Variants in LDHA observed in about 807,000 individuals in gnomAD.
LDHA encodes lactate dehydrogenase A, also known as L-lactate dehydrogenase A chain.
Under a neutral mutation model 36.3 loss-of-function variants are expected in LDHA, and 10 were observed. The ratio of observed to expected loss-of-function variants is 0.28; its 90% CI spans 0.17 to 0.47. LDHA has a LOEUF of 0.47. Ranked by LOEUF, LDHA falls within the 20% of genes least tolerant of loss-of-function variation. The pLI is 0.99. For synonymous variants in LDHA, 110 were observed against 136.7 expected, an observed-to-expected ratio of 0.80 and a Z score of 1.36; for missense variants, 267 against 405.8, an observed-to-expected ratio of 0.66 and a Z score of 2.94.
rs182335994 is a variant in LDHA, at chr11:18,397,648, A to G, written c.126+680A>G. ...AACACGATGAAACCCCATCTTTACT[A>G]GAAATACAAAAAATTAGCCGGGCGT... is the stretch of plus-strand genomic sequence containing the variant. On this transcript the variant is annotated intron_variant, in intron 2 of 7. Transcript: ENST00000422447. Among the ~76,000 whole-genome samples, 433 of 152,236 alleles carry G rather than the reference A, an allele frequency of 2.8e-3. 3 individuals carry two copies. Among genetic ancestry groups the G allele is most frequent in the African/African-American group, 8.8e-3 (366 of 41,534 alleles).
In LDHA at chr11:18,401,822, G is replaced by T. The variant is rs984997806; in HGVS notation, c.418+812G>T. 2.0e-5 allele frequency among the ~76,000 whole-genome samples: 3 copies of T among 151,816 alleles called. No individual in the cohort carries two copies. In the East Asian group the frequency reaches 5.8e-4, roughly 29 times the overall value. ...TCATTTCCCTTCTAAGGAGATTTGT[G>T]TGTGTGTGTTTTTTGTTTTTTAATA... On this transcript the variant is annotated intron_variant, in intron 4 of 7. Transcript: ENST00000422447.
Position 18,408,253 on chromosome 11 carries a change from G to A in LDHA, c.*972G>A, listed in dbSNP as rs1866777175. On this transcript the variant is annotated 3_prime_UTR_variant, in exon 8 of 8. Coordinates refer to ENST00000422447, the MANE Select transcript of LDHA (RefSeq NM_005566.4). The stretch of plus-strand genomic sequence containing the variant: ...TCATGCCTATAATCCCAGCACTTTG[G>A]GAAGCCCAGGTGGGCTGATCACTGG... 1 of 453,568 alleles carries A rather than the reference G, an allele frequency of 2.2e-6. No homozygotes were observed. The highest frequency in any genetic ancestry group is 2.0e-5 in the African/African-American group (1 of 49,952). The allele number at this position is 453,568 out of a possible 1,614,324, so 28.1% of individuals were successfully genotyped here.
At chr11:18,404,140 C>A (rs1210054642) in intron 6 of LDHA, among the ~76,000 whole-genome samples, 16 of 149,288 alleles carry the variant, frequency 1.1e-4, no homozygotes, top group South Asian at 2.1e-4. Context: ...CCATGTTAGC[C>A]AAAAAAAAAA....
At chr11:18,405,888 T>A (rs1007855684) in intron 7 of LDHA, 2 of 315,274 alleles carry the variant, frequency 6.3e-6, no homozygotes, top group Non-Finnish European at 1.2e-5. Flanking sequence ...AAGTTAGCAT[T>A]ATGTTACTAT....
chr11:18,401,955 C>CTCTCTCTTTTT (rs59534512), intron 4 of LDHA, among the ~76,000 whole-genome samples: 5,477 of 52,710 alleles, frequency 0.1, 704 homozygotes, highest in Middle Eastern at 0.17. Context: ...TTGTTATTCT[C>CTCTCTCTTTTT]TTTTTTTTTT....
At chr11:18,395,636 C>CT (rs1218809537) in intron 1 of LDHA, among the ~76,000 whole-genome samples, 7 of 152,178 alleles carry the variant, frequency 4.6e-5, no homozygotes, top group African/African-American at 1.7e-4. Context: ...GACTGCCTGC[C>CT]TAGAGGTCCT....
intron 4 of LDHA, among the ~76,000 whole-genome samples, chr11:18,401,955 C>CTCTTTTTTTTTTTTTTTTTTT (rs59534512): frequency 2.1e-4 from 11 of 52,256 alleles, no homozygotes; most frequent in Non-Finnish European, 3.4e-4. Flanking sequence ...TTGTTATTCT[C>CTCTTTTTTTTTTTTTTTTTTT]TTTTTTTTTT....
intron 4 of LDHA, 68 bp from the exon 5 acceptor site, chr11:18,402,772 A>G (rs773172814): frequency 3.9e-5 from 47 of 1,193,208 alleles, no homozygotes; most frequent in Non-Finnish European, 5.5e-5. Context: ...TTTTCTTCAT[A>G]GTAGGTATAT....
chr11:18,406,395 A>G (rs1866682146), intron 7 of LDHA, among the ~76,000 whole-genome samples: 1 of 131,930 alleles, frequency 7.6e-6, no homozygotes, highest in South Asian at 2.7e-4. Context: ...TAGGCAGTAT[A>G]GTGAGATCTT....
At chr11:18,406,856 A>G in intron 7 of LDHA, 1 of 378,952 alleles carries the variant, frequency 2.6e-6, no homozygotes, top group South Asian at 2.6e-5. Context: ...TGTACTAAAC[A>G]TACAAAAATT....
intron 7 of LDHA, among the ~76,000 whole-genome samples, chr11:18,406,155 G>A (rs899481024): frequency 6.6e-6 from 1 of 152,022 alleles, no homozygotes; most frequent in Non-Finnish European, 1.5e-5. Context: ...TAGTAGAGAT[G>A]GAGTTTCACC....
chr11:18,394,686 C>T (rs1866228476), intron 1 of LDHA, 50 bp downstream of exon 1: 1 of 452,930 alleles, frequency 2.2e-6, no homozygotes, highest in South Asian at 1.6e-5. Context: ...GCGGGTAGAG[C>T]CAACTGCCTC....
At chr11:18,399,245 T>A in intron 2 of LDHA, 186 bp from the exon 3 acceptor site, 1 of 578,628 alleles carries the variant, frequency 1.7e-6, no homozygotes, top group Non-Finnish European at 3.1e-6. Context: ...GGGTCAGTGC[T>A]ATCTATGTAG....
intron 4 of LDHA, among the ~76,000 whole-genome samples, chr11:18,401,509 G>A (rs1233921083): frequency 1.0e-5 from 1 of 97,520 alleles, no homozygotes; most frequent in Non-Finnish European, 1.9e-5. Context: ...ACGGAGTCTT[G>A]CTCTGTCACC....
intron 2 of LDHA, 181 bp downstream of exon 2, chr11:18,397,149 A>T: frequency 1.8e-6 from 1 of 560,474 alleles, no homozygotes; most frequent in South Asian, 2.6e-5. Flanking sequence ...GTGTATCTGA[A>T]ATTAAAAAGA....
At chr11:18,403,410 AC>A (rs1403834894) in intron 5 of LDHA, among the ~76,000 whole-genome samples, 3 of 151,056 alleles carry the variant, frequency 2.0e-5, no homozygotes, top group African/African-American at 4.9e-5. Flanking sequence ...TGCTAAGAAA[AC>A]CCCCCTTATG....
intron 3 of LDHA, 88 bp downstream of exon 3, chr11:18,399,636 C>A (rs1033518248): frequency 5.1e-6 from 5 of 985,054 alleles, no homozygotes; most frequent in African/African-American, 1.6e-5. Context: ...GGGTAGAGTG[C>A]AGTTGCACAA....
At position 18,403,769 on chromosome 11, in the gene LDHA, A is replaced by G; in HGVS notation, c.668A>G (p.Asp223Gly). 6.2e-7 allele frequency: 1 copy of G among 1,610,582 alleles called. No individual in the cohort carries two copies. The highest frequency in any genetic ancestry group is 8.5e-7 in the Non-Finnish European group (1 of 1,176,754). The change falls in exon 6 of 8, where the codon GAT becomes GGT. Residue 223 changes from aspartate (D) to glycine (G), a missense_variant. By Grantham distance (94) the Asp-to-Gly change is moderately conservative (BLOSUM62 -1). Transcript: ENST00000422447. Reference sequence around the variant, plus strand: ...CACCCAGATTTAGGGACTGATAAAGATAAGGAACAGTGGAAAGAGGTTCAC... The same window carrying G: ...CACCCAGATTTAGGGACTGATAAAGGTAAGGAACAGTGGAAAGAGGTTCAC... ...TLHPDLGTDK[D>G]KEQWKEVHKQ... is the part of the protein sequence containing the mutation.
chr11:18,401,457 TGA>T (rs1866492692), intron 4 of LDHA, among the ~76,000 whole-genome samples: 149 of 129,476 alleles, frequency 1.2e-3, no homozygotes, highest in Middle Eastern at 4.3e-3. Flanking sequence ...GCATATTTAT[TGA>T]TTCATTTATT....
Sources: allele counts gnomAD v4.1 joint callset (sites outside exome capture counted in the v4.1 genomes callset), GRCh38; gene constraint gnomAD v4.1.1; transcripts MANE v1.5; gene names NCBI Gene and HGNC (gene_info 2026-07-23, HGNC 2026-07-21).